Variants in XPO6 observed in about 807,000 individuals in gnomAD.
The protein encoded by XPO6 is exportin-6.
In XPO6, 3 loss-of-function variants were observed where a neutral mutation model predicts 130.0. The ratio of observed to expected loss-of-function variants is 0.02; its 90% CI spans 0.01 to 0.06. XPO6 has a LOEUF of 0.06. Ranked by LOEUF, XPO6 falls within the 10% of genes least tolerant of loss-of-function variation. XPO6 has a pLI of 1.00. For synonymous variants in XPO6, 524 were observed against 548.9 expected, an observed-to-expected ratio of 0.95 and a Z score of 0.63; for missense variants, 970 against 1,393.0, an observed-to-expected ratio of 0.70 and a Z score of 4.83.
At chr16:28,138,152 CA>C (rs2042817329) in intron 9 of XPO6, among the ~76,000 whole-genome samples, 1 of 152,122 alleles carries the variant, frequency 6.6e-6, no homozygotes, top group Non-Finnish European at 1.5e-5. Context: ...CCAATAAAGT[CA>C]AAATCCCACT....
chr16:28,101,247 C>A lies in XPO6; in HGVS notation c.3276+211G>T. 3 of 636,710 alleles carry A rather than the reference C, an allele frequency of 4.7e-6. No individual in the cohort carries two copies. The South Asian group carries it at 5.2e-5, about 11-fold the overall frequency. 39.4% of individuals were successfully genotyped at this position (636,710 alleles called of 1,614,324 possible). A position where few individuals can be genotyped will look rare whatever the true frequency, so the allele number is the denominator to read the frequency against. On this transcript the variant is annotated intron_variant, in intron 23 of 23. Transcript: ENST00000304658. The surrounding 1 kb of genome is among the most constrained non-coding windows in gnomAD (Gnocchi z 5.4). ...CTCCATGGCTGAGACTAAGAACATA[C>A]GTGCTACAGACACCAAGACTGGGGA...
Position 28,106,469 on chromosome 16 carries a change from G to A in XPO6, c.2526C>T (p.Phe842=). Residue 842 remains phenylalanine, a synonymous_variant, in exon 19 of 24, where the codon TTC becomes TTT. Transcript: ENST00000304658. This position sits in a 1 kb window ranked among gnomAD's most constrained non-coding sequence, Gnocchi z 4.2. ...CTCTAAGGCCTCGAAACAGAGTGAG[G>A]AAGAAGCTCAGCATCTCATCAGTCA... is the stretch of plus-strand genomic sequence containing the variant. The part of the protein sequence containing the change: ...SDVTDEMLSF[F]LTLFRGLRVQ... The A allele has an allele frequency of 6.2e-7, 1 of 1,614,170 alleles. No individual in the cohort carries two copies.
In XPO6 at chr16:28,106,511, C is replaced by G. The variant is rs1466613313; in HGVS notation, c.2498-14G>C. ...CATCAGTCACATCTGAGGAAAGGGG[C>G]AGAGATATCGTCAGAGGCTTGCACA... is the stretch of plus-strand genomic sequence containing the variant. On this transcript the variant is annotated splice_polypyrimidine_tract_variant and intron_variant, in intron 18 of 23. Coordinates refer to ENST00000304658, the MANE Select transcript of XPO6 (RefSeq NM_015171.4). The surrounding 1 kb of genome is among the most constrained non-coding windows in gnomAD (Gnocchi z 4.2). The G allele has an allele frequency of 6.2e-7, 1 of 1,606,484 alleles. No homozygotes were observed. The highest frequency in any genetic ancestry group is 8.5e-7 in the Non-Finnish European group (1 of 1,173,440).
At chr16:28,196,654 G>A (rs922775756) in intron 1 of XPO6, among the ~76,000 whole-genome samples, 1 of 152,204 alleles carries the variant, frequency 6.6e-6, no homozygotes, top group African/African-American at 2.4e-5. Context: ...AATGAGAGGT[G>A]TTTGAGTCAT....
intron 1 of XPO6, among the ~76,000 whole-genome samples, chr16:28,203,644 T>A (rs528796608): frequency 6.6e-6 from 1 of 152,294 alleles, no homozygotes; most frequent in Non-Finnish European, 1.5e-5. Flanking sequence ...CAAATCCAAA[T>A]CACCAACTGA....
At chr16:28,173,125 A>G (rs1290164309) in intron 4 of XPO6, 3 of 152,252 alleles carry the variant, frequency 2.0e-5, no homozygotes, top group African/African-American at 4.8e-5. Flanking sequence ...GGATGTGCAT[A>G]GGTTACGTGC....
Position 28,121,623 on chromosome 16 carries a change from G to C in XPO6, c.1859+47C>G, listed in dbSNP as rs1359134142. The stretch of plus-strand genomic sequence containing the variant: ...TCAATCAAATTATTTGGAGATTGGG[G>C]GCAAGGTCTTTCCTAAAAATGCACA... On this transcript the variant is annotated intron_variant, in intron 14 of 23. Coordinates refer to ENST00000304658, the MANE Select transcript of XPO6 (RefSeq NM_015171.4). 4.4e-6 allele frequency: 6 copies of C among 1,353,298 alleles called. No individual in the cohort carries two copies. In the South Asian group the frequency reaches 7.0e-5, roughly 16 times the overall value. 83.8% of individuals were successfully genotyped at this position (1,353,298 alleles called of 1,614,324 possible).
chr16:28,171,188 C>T (rs143961117), intron 4 of XPO6, among the ~76,000 whole-genome samples: 387 of 151,560 alleles, frequency 2.6e-3, no homozygotes, highest in Non-Finnish European at 4.5e-3. Flanking sequence ...ATACAGGGTA[C>T]GGGCTGGGCG....
At chr16:28,199,154 T>G (rs115177194) in intron 1 of XPO6, among the ~76,000 whole-genome samples, 2,451 of 152,160 alleles carry the variant, frequency 0.016, 73 homozygotes, top group African/African-American at 0.056. Flanking sequence ...AAAATGAAAT[T>G]AAATTAAATA....
intron 15 of XPO6, 55 bp from the exon 16 acceptor site, chr16:28,113,105 G>A (rs762923595): frequency 5.0e-5 from 78 of 1,571,370 alleles, no homozygotes; most frequent in East Asian, 9.1e-5. Flanking sequence ...ACTGGGATTC[G>A]AACTTTGCTG....
At chr16:28,162,479 C>G (rs928649285) in intron 6 of XPO6, among the ~76,000 whole-genome samples, 4 of 152,064 alleles carry the variant, frequency 2.6e-5, no homozygotes, top group South Asian at 4.1e-4. Flanking sequence ...GCGATACGCA[C>G]CAATGCCCAC....
intron 4 of XPO6, among the ~76,000 whole-genome samples, chr16:28,172,349 G>A (rs941986637): frequency 6.6e-6 from 1 of 152,186 alleles, no homozygotes; most frequent in East Asian, 1.9e-4. Context: ...AACAAGTTCA[G>A]GTTTCTAGCG....
At chr16:28,154,016 G>A in intron 7 of XPO6, 5 of 985,250 alleles carry the variant, frequency 5.1e-6, no homozygotes, top group Non-Finnish European at 6.0e-6. Flanking sequence ...GAGAATGGCT[G>A]TCTCTGTGGA....
chr16:28,135,386 C>T, intron 9 of XPO6, 62 bp from the exon 10 acceptor site: 2 of 1,305,968 alleles, frequency 1.5e-6, no homozygotes, highest in Non-Finnish European at 2.2e-6. Flanking sequence ...TTGGAAAATG[C>T]CTCCTGCACT....
At chr16:28,174,149 G>A (rs570704583) in intron 4 of XPO6, among the ~76,000 whole-genome samples, 10 of 152,282 alleles carry the variant, frequency 6.6e-5, no homozygotes, top group Middle Eastern at 3.4e-3. Flanking sequence ...CGCCAGGGAA[G>A]TGTCTCCCAC....
intron 1 of XPO6, among the ~76,000 whole-genome samples, chr16:28,199,286 A>T (rs970720505): frequency 1.1e-4 from 16 of 152,340 alleles, no homozygotes; most frequent in African/African-American, 3.8e-4. Context: ...CACTCAATTT[A>T]TCTTTCTCTA....
In XPO6 at chr16:28,145,942, A is replaced by AG. The variant is rs1211356007; in HGVS notation, c.1334+151dup. 12 of 536,626 alleles carry AG rather than the reference A, an allele frequency of 2.2e-5. No individual in the cohort carries two copies. In the Admixed American group the frequency reaches 3.8e-4, roughly 17 times the overall value. The allele number at this position is 536,626 out of a possible 1,614,324, so 33.2% of individuals were successfully genotyped here. ...AAAGTCTTAACAAAATACTTAAAGG[A>AG]GAAAAAAAAGGAAATGCTCAATGGC... On this transcript the variant is annotated intron_variant, in intron 9 of 23. Transcript: ENST00000304658.
At chr16:28,160,504 C>CAAAAAAAAA (rs56821334) in intron 6 of XPO6, among the ~76,000 whole-genome samples, 1 of 113,204 alleles carries the variant, frequency 8.8e-6, no homozygotes, top group Admixed American at 9.5e-5. Context: ...ACTCCATCAC[C>CAAAAAAAAA]AAAAAAAAAA....
At chr16:28,199,906 C>T (rs1408018573) in intron 1 of XPO6, among the ~76,000 whole-genome samples, 1 of 151,748 alleles carries the variant, frequency 6.6e-6, no homozygotes, top group Admixed American at 6.6e-5. Flanking sequence ...CCTGTAATCC[C>T]AGCACTTTGG....
Sources: allele counts gnomAD v4.1 joint callset (sites outside exome capture counted in the v4.1 genomes callset), GRCh38; gene constraint gnomAD v4.1.1; non-coding constraint Gnocchi (gnomAD v3.1); transcripts MANE v1.5; gene names NCBI Gene and HGNC (gene_info 2026-07-23, HGNC 2026-07-21).